Variants in MYOZ2 observed in about 807,000 individuals in gnomAD.
MYOZ2 encodes the protein myozenin-2.
In MYOZ2, 19 loss-of-function variants were observed where a neutral mutation model predicts 25.4. That is an observed-to-expected ratio of 0.75 (90% CI 0.52 to 1.10). The LOEUF (loss-of-function observed/expected upper bound fraction) is 1.10, where lower values mean the gene tolerates loss of function less well. MYOZ2 is among the 50% of genes least tolerant of loss of function. The pLI is 0.00. For missense variants in MYOZ2, 270 were observed against 317.9 expected (o/e 0.85, Z 1.15); for synonymous variants, 92 against 106.9 (o/e 0.86, Z 0.86).
intron 4 of MYOZ2, among the ~76,000 whole-genome samples, chr4:119,160,467 C>G (rs917767368): frequency 6.6e-6 from 1 of 152,084 alleles, no homozygotes; most frequent in Non-Finnish European, 1.5e-5. Context: ...GAATTAATCT[C>G]TATCTTCAAA....
At chr4:119,166,537 G>A (rs1197465620) in intron 5 of MYOZ2, among the ~76,000 whole-genome samples, 1 of 151,824 alleles carries the variant, frequency 6.6e-6, no homozygotes, top group African/African-American at 2.4e-5. Context: ...TATGCACAGG[G>A]ATACACAAAG....
chr4:119,157,587 A>G (rs1741609530), intron 3 of MYOZ2, among the ~76,000 whole-genome samples: 1 of 152,222 alleles, frequency 6.6e-6, no homozygotes, highest in Admixed American at 6.5e-5. Context: ...AAATCTAATT[A>G]AAGCCCAAAT....
At chr4:119,150,357 T>G (rs1741418950) in intron 2 of MYOZ2, among the ~76,000 whole-genome samples, 1 of 152,206 alleles carries the variant, frequency 6.6e-6, no homozygotes, top group Non-Finnish European at 1.5e-5. Context: ...GTTCACTCAA[T>G]ACTTATCATC....
rs1742207475 is a variant in MYOZ2 at position 119,182,631 on chromosome 4, C to T, written c.561-3335C>T. ...CATTAGTTAGATTCTCGTAAGGAGC[C>T]TGCAACCTTGATCCCTCACATGCAA... On this transcript the variant is annotated intron_variant, in intron 5 of 5. Coordinates refer to ENST00000307128, the MANE Select transcript of MYOZ2 (RefSeq NM_016599.5). Among the ~76,000 whole-genome samples, 3 of 152,184 alleles carry T rather than the reference C, an allele frequency of 2.0e-5. No individual in the cohort carries two copies. In the South Asian group the frequency reaches 6.2e-4, roughly 32 times the overall value.
chr4:119,136,369 G>C (rs1307740606), intron 1 of MYOZ2, 143 bp from the exon 2 acceptor site: 1 of 708,802 alleles, frequency 1.4e-6, no homozygotes, highest in Non-Finnish European at 2.5e-6. Flanking sequence ...ACCAGATAAG[G>C]AATGCGTATT....
intron 2 of MYOZ2, among the ~76,000 whole-genome samples, chr4:119,139,103 A>G (rs561863138): frequency 6.8e-4 from 103 of 152,282 alleles, no homozygotes; most frequent in Non-Finnish European, 1.1e-3. Context: ...TTTTGAATCC[A>G]TTGTGATTTG....
intron 5 of MYOZ2, among the ~76,000 whole-genome samples, chr4:119,174,003 G>C (rs914303384): frequency 6.6e-6 from 1 of 152,186 alleles, no homozygotes; most frequent in African/African-American, 2.4e-5. Context: ...ATTTCTCACC[G>C]GGCCTTAGCT....
chr4:119,169,021 C>T (rs1269204152), intron 5 of MYOZ2, among the ~76,000 whole-genome samples: 1 of 152,146 alleles, frequency 6.6e-6, no homozygotes, highest in Non-Finnish European at 1.5e-5. Flanking sequence ...TAATAAATTG[C>T]CACAATCAAT....
intron 2 of MYOZ2, among the ~76,000 whole-genome samples, chr4:119,149,327 A>G (rs1281032247): frequency 2.0e-5 from 3 of 152,216 alleles, no homozygotes; most frequent in Admixed American, 2.0e-4. Context: ...TATTGGAGAA[A>G]CTTGTTACAG....
chr4:119,146,960 T>C (rs1380038082), intron 2 of MYOZ2, among the ~76,000 whole-genome samples: 4 of 152,210 alleles, frequency 2.6e-5, no homozygotes, highest in South Asian at 2.1e-4. Flanking sequence ...TTAATCATTA[T>C]ATAATGCCCT....
chr4:119,155,884 T>C (rs947053692), intron 3 of MYOZ2, among the ~76,000 whole-genome samples: 2 of 152,068 alleles, frequency 1.3e-5, no homozygotes, highest in African/African-American at 4.8e-5. Flanking sequence ...AAAAGGAAGA[T>C]GGCATTTTAA....
chr4:119,171,611 G>A (rs1283962190), intron 5 of MYOZ2, among the ~76,000 whole-genome samples: 1 of 150,970 alleles, frequency 6.6e-6, no homozygotes, highest in Non-Finnish European at 1.5e-5. Flanking sequence ...CCTATTGTAG[G>A]TTAACATGAT....
chr4:119,174,465 A>G (rs1742013094), intron 5 of MYOZ2, among the ~76,000 whole-genome samples: 1 of 151,922 alleles, frequency 6.6e-6, no homozygotes, highest in Non-Finnish European at 1.5e-5. Context: ...TTGTAAATAC[A>G]CCAATCAGCA....
At chr4:119,172,480 C>A (rs1042222348) in intron 5 of MYOZ2, among the ~76,000 whole-genome samples, 2 of 152,112 alleles carry the variant, frequency 1.3e-5, no homozygotes, top group Admixed American at 1.3e-4. Context: ...GGGTGGGGGC[C>A]ACAAGATCAG....
intron 5 of MYOZ2, among the ~76,000 whole-genome samples, chr4:119,184,795 T>C (rs1014323218): frequency 2.6e-5 from 4 of 152,210 alleles, no homozygotes; most frequent in Non-Finnish European, 5.9e-5. Context: ...GGAAGAATGC[T>C]AAGGTTTTTG....
At chr4:119,161,147 G>A (rs1741699002) in intron 4 of MYOZ2, among the ~76,000 whole-genome samples, 1 of 152,048 alleles carries the variant, frequency 6.6e-6, no homozygotes, top group Non-Finnish European at 1.5e-5. Context: ...GACATGCAAT[G>A]TTTAACTTAA....
intron 3 of MYOZ2, among the ~76,000 whole-genome samples, chr4:119,154,878 C>CACAA (rs1230908095): frequency 3.3e-5 from 5 of 151,750 alleles, no homozygotes; most frequent in Admixed American, 1.3e-4. Flanking sequence ...CACGCACACA[C>CACAA]ACACACACAC....
intron 5 of MYOZ2, among the ~76,000 whole-genome samples, chr4:119,174,634 A>G (rs927752587): frequency 1.3e-5 from 2 of 152,134 alleles, no homozygotes; most frequent in Non-Finnish European, 2.9e-5. Context: ...TTGTAAATGC[A>G]CCAATCAGCG....
rs758854740 is a variant in MYOZ2, at chr4:119,164,103, CT to C, written c.377-106del. On this transcript the variant is annotated intron_variant, in intron 4 of 5. Transcript: ENST00000307128. ...TAAGGGATCATGAAAAGGATGCATG[CT>C]TCATAAATTTATCCCAGCATGAAAA... The C allele has an allele frequency of 2.1e-5, 22 of 1,067,266 alleles. No homozygotes were observed. In the Middle Eastern group the frequency reaches 1.0e-3, roughly 50 times the overall value. 66.1% of individuals were successfully genotyped at this position (1,067,266 alleles called of 1,614,324 possible).
Sources: gnomAD v4.1 joint callset for allele counts (sites outside exome capture counted in the v4.1 genomes callset) on GRCh38, gnomAD v4.1.1 for gene constraint, MANE v1.5 for transcripts, NCBI Gene and HGNC (gene_info 2026-07-23, HGNC 2026-07-21) for gene names.